AMZ1: variants seen among roughly 807,000 people sequenced by gnomAD.
The protein encoded by AMZ1 is archaemetzincin-1.
A neutral mutation model predicts 29.9 loss-of-function variants in AMZ1; 39 were observed. The observed-to-expected ratio is 1.30, with a 90% CI of 1.01 to 1.70. The LOEUF (loss-of-function observed/expected upper bound fraction) is 1.70, where lower values mean the gene tolerates loss of function less well. Among genes scored for constraint, AMZ1 ranks in the 40% most tolerant of loss-of-function variants. AMZ1 has a pLI of 0.00. For synonymous variants in AMZ1, 458 were observed against 304.0 expected (o/e 1.51, Z -5.27); for missense variants, 1,041 against 680.6 (o/e 1.53, Z -5.89).
At chr7:2,756,456 T>A (rs979251385) in intron 4 of AMZ1, among the ~76,000 whole-genome samples, 2 of 151,860 alleles carry the variant, frequency 1.3e-5, no homozygotes, top group African/African-American at 2.4e-5. Flanking sequence ...CTGCAAAAAA[T>A]TTTTAAAAAT....
chr7:2,731,182 C>T lies in AMZ1; in HGVS notation n.550+21366C>T. The T allele has an allele frequency of 1.2e-6, 2 of 1,602,630 alleles. No homozygotes were observed. The highest frequency in any genetic ancestry group is 1.1e-5 in the South Asian group (1 of 90,406). Reference sequence around the variant, plus strand: ...CGACAAACCCCGGGGCTTCCTCGCTCACTGCAGCATGATGTCCTTCAGGTT... The same window carrying T: ...CGACAAACCCCGGGGCTTCCTCGCTTACTGCAGCATGATGTCCTTCAGGTT... On this transcript the variant is annotated intron_variant and non_coding_transcript_variant, in intron 4 of 4. Coordinates refer to the AMZ1 transcript ENST00000489665. The surrounding 1 kb of genome is among the most constrained non-coding windows in gnomAD (Gnocchi z 6.0).
At chr7:2,724,569 G>C (rs992606947), downstream of AMZ1, among the ~76,000 whole-genome samples, 1 of 152,086 alleles carries the variant, frequency 6.6e-6, no homozygotes, top group African/African-American at 2.4e-5. Flanking sequence ...GGGCCAGGCT[G>C]TGTGTCGGCC....
At chr7:2,690,663 G>A (rs1787334491) in intron 1 of AMZ1, among the ~76,000 whole-genome samples, 1 of 152,104 alleles carries the variant, frequency 6.6e-6, no homozygotes, top group South Asian at 2.1e-4. Context: ...TGTGCAAACG[G>A]CCTCTGTGGT....
chr7:2,709,912 A>T, intron 6 of AMZ1, 96 bp downstream of exon 6: 2 of 1,510,422 alleles, frequency 1.3e-6, no homozygotes, highest in Non-Finnish European at 1.8e-6. Context: ...GGGACCGCAC[A>T]CAGGCTTTGT....
chr7:2,698,754 T>A (rs1787884354), intron 1 of AMZ1, among the ~76,000 whole-genome samples: 1 of 152,224 alleles, frequency 6.6e-6, no homozygotes. Context: ...GAGGATCGCT[T>A]GAGCTCAGGA....
At chr7:2,696,280 G>A (rs1431221648) in intron 1 of AMZ1, among the ~76,000 whole-genome samples, 4 of 127,124 alleles carry the variant, frequency 3.1e-5, no homozygotes, top group South Asian at 2.7e-4. Flanking sequence ...TTTTTGAGAT[G>A]GAGTCTCGCT....
chr7:2,762,706 C>T (rs769664421), upstream of AMZ1: 15 of 1,568,666 alleles, frequency 9.6e-6, no homozygotes, highest in Admixed American at 1.9e-5. Context: ...GGTGGAGGAG[C>T]GCCAGAGGGA....
At chr7:2,725,114 C>G (rs929304083) in intron 4 of AMZ1, among the ~76,000 whole-genome samples, 2 of 152,174 alleles carry the variant, frequency 1.3e-5, no homozygotes, top group African/African-American at 2.4e-5. Context: ...CTGGGTTCTG[C>G]GAGCGCACCC....
chr7:2,723,880 C>T (rs1057030413), downstream of AMZ1, among the ~76,000 whole-genome samples: 10 of 152,184 alleles, frequency 6.6e-5, no homozygotes, highest in African/African-American at 1.7e-4. Flanking sequence ...TCTGTCTCTG[C>T]GGCGATAAAC....
Position 2,688,238 on chromosome 7 carries a change from GC to G in AMZ1, c.-274del, listed in dbSNP as rs1787166784. 1 of 151,956 alleles carries G rather than the reference GC, an allele frequency of 6.6e-6. No individual in the cohort carries two copies. Among genetic ancestry groups the G allele is most frequent in the African/African-American group, 2.4e-5 (1 of 41,404 alleles). 9.4% of individuals were successfully genotyped at this position (151,956 alleles called of 1,614,324 possible). A position where few individuals can be genotyped will look rare whatever the true frequency, so the allele number is the denominator to read the frequency against. ...CCCAGGCCGAGCTGCCCACGCTGCT[GC>G]CCGGGGCTCGGTGCCCGGCGCGGCC... On this transcript the variant is annotated 5_prime_UTR_variant, in exon 1 of 7. Transcript: ENST00000683327.
intron 1 of AMZ1, among the ~76,000 whole-genome samples, chr7:2,689,371 G>T (rs60561590): frequency 1.3e-4 from 11 of 83,168 alleles, no homozygotes; most frequent in South Asian, 7.5e-4. Flanking sequence ...GAACCTCCCT[G>T]GGGGGGGGAT....
rs369581593 is a variant in AMZ1, at chr7:2,702,719, C to T, written c.305-3C>T. 3 of 1,531,564 alleles carry T rather than the reference C, an allele frequency of 2.0e-6. No homozygotes were observed. The highest frequency in any genetic ancestry group is 2.6e-6 in the Non-Finnish European group (3 of 1,141,366). The allele number at this position is 1,531,564 out of a possible 1,614,324, so 94.9% of individuals were successfully genotyped here. Reference sequence around the variant, plus strand: ...AGGGCTGACGGTGCTGCTCTCCCACCAGACCTGAGCGAGGAGCCGGTGGGA... The same window carrying T: ...AGGGCTGACGGTGCTGCTCTCCCACTAGACCTGAGCGAGGAGCCGGTGGGA... On this transcript the variant is annotated splice_region_variant and splice_polypyrimidine_tract_variant and intron_variant, in intron 2 of 6. Coordinates refer to ENST00000683327, the MANE Select transcript of AMZ1 (RefSeq NM_001384743.1).
At chr7:2,686,877 G>A (rs1583134395), upstream of AMZ1, among the ~76,000 whole-genome samples, 1 of 151,962 alleles carries the variant, frequency 6.6e-6, no homozygotes, top group Non-Finnish European at 1.5e-5. Context: ...ACCACGCCCA[G>A]CTAATTTTTT....
chr7:2,718,171 T>A lies in AMZ1; in HGVS notation c.*5293T>A, dbSNP rs561655175. 6.6e-6 allele frequency among the ~76,000 whole-genome samples: 1 copy of A among 152,290 alleles called. No homozygotes were observed. The highest frequency in any genetic ancestry group is 1.9e-4 in the East Asian group (1 of 5,168). ...TCCCTGGGCTTTTTAATGAACGCAC[T>A]TCTGTCACATGGAAACTGAGCCCGG... On this transcript the variant is annotated 3_prime_UTR_variant, in exon 7 of 7. Coordinates refer to ENST00000683327, the MANE Select transcript of AMZ1 (RefSeq NM_001384743.1).
intron 3 of AMZ1, among the ~76,000 whole-genome samples, chr7:2,703,903 T>G (rs567355692): frequency 2.0e-5 from 3 of 152,236 alleles, no homozygotes; most frequent in Non-Finnish European, 4.4e-5. Flanking sequence ...TACTTTTTTT[T>G]TCTGAGACAG....
chr7:2,691,003 T>A (rs10271567), intron 1 of AMZ1, among the ~76,000 whole-genome samples: 6 of 151,526 alleles, frequency 4.0e-5, no homozygotes, highest in African/African-American at 1.5e-4. Flanking sequence ...TAGCCTGGCA[T>A]GGTGGCATGC....
At chr7:2,744,871 T>A (rs1023297070) in intron 4 of AMZ1, among the ~76,000 whole-genome samples, 1 of 152,072 alleles carries the variant, frequency 6.6e-6, no homozygotes, top group Non-Finnish European at 1.5e-5. Context: ...ACCTGAGGAA[T>A]GCAGAAGCCT....
upstream of AMZ1, among the ~76,000 whole-genome samples, chr7:2,759,856 T>C (rs944519420): frequency 1.3e-5 from 2 of 151,796 alleles, no homozygotes; most frequent in Non-Finnish European, 2.9e-5. Context: ...AATGCGATTG[T>C]CCGCCCCCGT....
chr7:2,682,916 C>A (rs1284593589), intron 1 of AMZ1, among the ~76,000 whole-genome samples: 2 of 152,218 alleles, frequency 1.3e-5, no homozygotes, highest in African/African-American at 4.8e-5. Context: ...GACCCGGGCT[C>A]ATCTTGCTGT....
Sources: allele counts gnomAD v4.1 joint callset (sites outside exome capture counted in the v4.1 genomes callset), GRCh38; gene constraint gnomAD v4.1.1; non-coding constraint Gnocchi (gnomAD v3.1); transcripts MANE v1.5; gene names NCBI Gene and HGNC (gene_info 2026-07-23, HGNC 2026-07-21).